NAALADL2: variants seen among roughly 807,000 people sequenced by gnomAD.
The protein encoded by NAALADL2 is inactive N-acetylated-alpha-linked acidic dipeptidase-like protein 2.
Under a neutral mutation model 87.2 loss-of-function variants are expected in NAALADL2, and 76 were observed. That is an observed-to-expected ratio of 0.87 (90% CI 0.72 to 1.05). The LOEUF is 1.05. NAALADL2 is among the 50% of genes least tolerant of loss of function. NAALADL2 has a pLI of 0.00. For synonymous variants in NAALADL2, 354 were observed against 331.0 expected, an observed-to-expected ratio of 1.07 and a Z score of -0.75; for missense variants, 1,089 against 945.8, an observed-to-expected ratio of 1.15 and a Z score of -1.99.
At chr3:175,470,241 G>T (rs944829326) in intron 8 of NAALADL2, among the ~76,000 whole-genome samples, 1 of 151,804 alleles carries the variant, frequency 6.6e-6, no homozygotes, top group Non-Finnish European at 1.5e-5. Flanking sequence ...TCAGCCTGGG[G>T]TATGGAGGGA....
chr3:175,808,344 T>G lies in NAALADL2; in HGVS notation c.*5141T>G, dbSNP rs1754884043. On this transcript the variant is annotated 3_prime_UTR_variant, in exon 14 of 14. Transcript: ENST00000454872. ...TTTAGTGTTTCTGGTTACATTATTTTGTTTGAATTATACAATTACATAATT... is the reference window on the plus strand; with the variant it reads ...TTTAGTGTTTCTGGTTACATTATTTGGTTTGAATTATACAATTACATAATT... 6.6e-6 allele frequency: 1 copy of G among 152,010 alleles called. No homozygotes were observed. Among genetic ancestry groups the G allele is most frequent in the Admixed American group, 6.6e-5 (1 of 15,194 alleles). 9.4% of individuals were successfully genotyped at this position (152,010 alleles called of 1,614,324 possible).
intron 1 of NAALADL2, among the ~76,000 whole-genome samples, chr3:174,539,565 T>C (rs1157305126): frequency 2.0e-5 from 3 of 152,186 alleles, no homozygotes; most frequent in Non-Finnish European, 4.4e-5. Flanking sequence ...TTCTTTAAAA[T>C]GTGCTATCTT....
intron 3 of NAALADL2, among the ~76,000 whole-genome samples, chr3:174,801,126 A>G (rs780386630): frequency 6.6e-5 from 10 of 152,308 alleles, no homozygotes; most frequent in Admixed American, 1.3e-4. Context: ...TAGGAAAGAC[A>G]TGATTGGTTT....
chr3:174,619,964 A>G (rs756470801), intron 2 of NAALADL2, among the ~76,000 whole-genome samples: 6 of 151,990 alleles, frequency 3.9e-5, no homozygotes, highest in Non-Finnish European at 5.9e-5. Context: ...TACAGTAGAC[A>G]CTATTATTAC....
chr3:174,662,132 A>T (rs1725563451), intron 2 of NAALADL2, among the ~76,000 whole-genome samples: 1 of 152,168 alleles, frequency 6.6e-6, no homozygotes, highest in African/African-American at 2.4e-5. Flanking sequence ...TTTAAAAAAA[A>T]TTATCTAAAT....
At chr3:174,717,615 A>G (rs1317194424) in intron 2 of NAALADL2, among the ~76,000 whole-genome samples, 1 of 152,176 alleles carries the variant, frequency 6.6e-6, no homozygotes, top group African/African-American at 2.4e-5. Flanking sequence ...TAGTCTCAGT[A>G]TAGTAATTAC....
At chr3:175,492,880 C>T (rs901896311) in intron 9 of NAALADL2, among the ~76,000 whole-genome samples, 20 of 152,000 alleles carry the variant, frequency 1.3e-4, no homozygotes, top group Admixed American at 1.2e-3. Context: ...ACATATGGCT[C>T]TTTCTTCCAT....
chr3:175,363,114 T>C (rs1385426749), intron 5 of NAALADL2, among the ~76,000 whole-genome samples: 1 of 147,814 alleles, frequency 6.8e-6, no homozygotes, highest in Non-Finnish European at 1.5e-5. Flanking sequence ...CCCTGGAATG[T>C]ACCTTGATTT....
At chr3:175,230,505 T>C (rs573549578) in intron 2 of NAALADL2, among the ~76,000 whole-genome samples, 1 of 151,990 alleles carries the variant, frequency 6.6e-6, no homozygotes, top group African/African-American at 2.4e-5. Context: ...AATAGCTAAA[T>C]AATACATGAA....
intron 2 of NAALADL2, among the ~76,000 whole-genome samples, chr3:174,675,045 A>G (rs1726919184): frequency 6.6e-6 from 1 of 152,046 alleles, no homozygotes; most frequent in African/African-American, 2.4e-5. Flanking sequence ...TTTTGGTCTA[A>G]CCTAACCTTT....
chr3:174,791,495 C>T (rs927936547), intron 3 of NAALADL2, among the ~76,000 whole-genome samples: 1 of 152,168 alleles, frequency 6.6e-6, no homozygotes, highest in Non-Finnish European at 1.5e-5. Flanking sequence ...TTGATTCTTG[C>T]TTTTCTAGCC....
intron 10 of NAALADL2, among the ~76,000 whole-genome samples, chr3:175,584,163 G>A (rs748987898): frequency 2.0e-5 from 3 of 151,660 alleles, no homozygotes; most frequent in Non-Finnish European, 2.9e-5. Flanking sequence ...TCAGCCTCCT[G>A]AGTAACTGGG....
At chr3:175,261,227 A>C (rs17533496) in intron 4 of NAALADL2, among the ~76,000 whole-genome samples, 24,023 of 152,168 alleles carry the variant, frequency 0.16, 2,277 homozygotes, top group Non-Finnish European at 0.22. Context: ...ACACATAGTA[A>C]AACAGATACC....
chr3:175,788,182 C>A (rs1752344269), intron 13 of NAALADL2, among the ~76,000 whole-genome samples: 2 of 150,718 alleles, frequency 1.3e-5, no homozygotes, highest in African/African-American at 4.9e-5. Context: ...CATCCTTGAC[C>A]TCCCAGGTTC....
At chr3:175,142,261 C>G (rs1198886417) in intron 2 of NAALADL2, among the ~76,000 whole-genome samples, 1 of 151,966 alleles carries the variant, frequency 6.6e-6, no homozygotes, top group Non-Finnish European at 1.5e-5. Flanking sequence ...TTAACAAATG[C>G]CATTGTTAAA....
chr3:174,862,131 A>G (rs1366915896), intron 1 of NAALADL2, among the ~76,000 whole-genome samples: 1 of 152,034 alleles, frequency 6.6e-6, no homozygotes, highest in African/African-American at 2.4e-5. Flanking sequence ...TTTTTTTCTA[A>G]ACGTTGCAAA....
At position 175,494,206 on chromosome 3, in the gene NAALADL2, A is replaced by C. The variant is rs140688378; in HGVS notation, c.1653+22448A>C. On this transcript the variant is annotated intron_variant, in intron 9 of 13. Transcript: ENST00000454872. ...TATATAAACAACCTGATTTTTACTT[A>C]ATATATTAACTATTTTCCCATGTTA... is the stretch of plus-strand genomic sequence containing the variant. 3.2e-4 allele frequency among the ~76,000 whole-genome samples: 48 copies of C among 152,146 alleles called. 1 individual carries two copies. In the East Asian group the frequency reaches 8.9e-3, roughly 28 times the overall value.
chr3:174,536,610 C>G (rs1161040193), intron 1 of NAALADL2: 1 of 152,116 alleles, frequency 6.6e-6, no homozygotes, highest in Non-Finnish European at 1.5e-5. Flanking sequence ...CTTTGCTACT[C>G]TCTGTTTTAG....
intron 11 of NAALADL2, among the ~76,000 whole-genome samples, chr3:175,734,486 G>A (rs985295518): frequency 2.6e-5 from 4 of 152,060 alleles, no homozygotes; most frequent in African/African-American, 9.7e-5. Context: ...GAACTCGGGA[G>A]GCGGAGCTTG....
Sources: gnomAD v4.1 joint callset for allele counts (sites outside exome capture counted in the v4.1 genomes callset) on GRCh38, gnomAD v4.1.1 for gene constraint, MANE v1.5 for transcripts, NCBI Gene and HGNC (gene_info 2026-07-23, HGNC 2026-07-21) for gene names.